The following ZMAT4 variants were observed in gnomAD, a reference collection of about 807,000 sequenced individuals.
ZMAT4 encodes zinc finger matrin-type 4.
In ZMAT4, 17 loss-of-function variants were observed where a neutral mutation model predicts 28.7. The observed-to-expected ratio is 0.59, with a 90% CI of 0.41 to 0.89. ZMAT4 has a LOEUF of 0.89. Among genes scored for constraint, ZMAT4 ranks in the 40% least tolerant of loss-of-function variants. The pLI is 0.00. For synonymous variants in ZMAT4, 117 were observed against 109.2 expected (o/e 1.07, Z -0.44); for missense variants, 240 against 283.8 (o/e 0.85, Z 1.11).
chr8:40,588,449 T>C (rs1216113854), intron 5 of ZMAT4, among the ~76,000 whole-genome samples: 5 of 152,052 alleles, frequency 3.3e-5, no homozygotes, highest in Admixed American at 3.3e-4. Flanking sequence ...ATCTAATTTT[T>C]TTAAAGGGCA....
intron 3 of ZMAT4, among the ~76,000 whole-genome samples, chr8:40,741,167 G>T (rs564945144): frequency 6.6e-6 from 1 of 152,192 alleles, no homozygotes; most frequent in South Asian, 2.1e-4. Context: ...GACATTGGCC[G>T]GGCATGGTGG....
At chr8:40,818,210 A>G (rs2150602817) in intron 2 of ZMAT4, among the ~76,000 whole-genome samples, 1 of 152,354 alleles carries the variant, frequency 6.6e-6, no homozygotes, top group East Asian at 1.9e-4. Flanking sequence ...TATTTTGACT[A>G]ACAATGACTG....
At chr8:40,786,833 T>C in intron 2 of ZMAT4, 1 of 880,356 alleles carries the variant, frequency 1.1e-6, no homozygotes, top group Non-Finnish European at 1.6e-6. Flanking sequence ...AAATTGGGAT[T>C]GCATTTCACT....
At chr8:40,648,208 C>T (rs546907525) in intron 5 of ZMAT4, among the ~76,000 whole-genome samples, 3 of 152,026 alleles carry the variant, frequency 2.0e-5, no homozygotes, top group African/African-American at 4.8e-5. Flanking sequence ...ACTAGAATAA[C>T]CAATACAGAG....
chr8:40,783,902 T>C (rs1256666724), intron 2 of ZMAT4, among the ~76,000 whole-genome samples: 2 of 152,070 alleles, frequency 1.3e-5, no homozygotes, highest in African/African-American at 2.4e-5. Flanking sequence ...TCCCAGCTAC[T>C]TGGGAGGTTG....
At chr8:40,568,338 G>A (rs942868006) in intron 6 of ZMAT4, among the ~76,000 whole-genome samples, 2 of 152,078 alleles carry the variant, frequency 1.3e-5, no homozygotes, top group South Asian at 2.1e-4. Context: ...TGTATAAAAC[G>A]AGGCAGAAGA....
intron 1 of ZMAT4, among the ~76,000 whole-genome samples, chr8:40,852,451 T>A (rs1009064085): frequency 6.6e-6 from 1 of 152,222 alleles, no homozygotes; most frequent in African/African-American, 2.4e-5. Flanking sequence ...CTCATCTGCA[T>A]CTCTATTCAA....
chr8:40,801,487 C>G (rs9918901), intron 2 of ZMAT4, among the ~76,000 whole-genome samples: 107,822 of 150,348 alleles, frequency 0.72, 38,895 homozygotes, highest in Middle Eastern at 0.79. Flanking sequence ...GGCCAACATG[C>G]TGAAACCCTG....
intron 5 of ZMAT4, among the ~76,000 whole-genome samples, chr8:40,584,101 G>C: frequency 6.6e-6 from 1 of 152,064 alleles, no homozygotes; most frequent in East Asian, 1.9e-4. Flanking sequence ...TTGACATTTC[G>C]CTTGGCTTAG....
intron 1 of ZMAT4, among the ~76,000 whole-genome samples, chr8:40,832,015 A>C (rs1816298670): frequency 6.6e-6 from 1 of 152,192 alleles, no homozygotes; most frequent in African/African-American, 2.4e-5. Context: ...TAAGTAACTC[A>C]CCCAGAGGTC....
rs188626901 is a variant in ZMAT4 at position 40,736,142 on chromosome 8, C to T, written c.192+31499G>A. ...TGGGGATCAGGAAGACTCTGACCAA[C>T]CTCACCTTATCTCCTAGGAATCTTT... is the stretch of plus-strand genomic sequence containing the variant. On this transcript the variant is annotated intron_variant, in intron 3 of 6. Coordinates refer to ENST00000297737, the MANE Select transcript of ZMAT4 (RefSeq NM_024645.3). 2.1e-3 allele frequency among the ~76,000 whole-genome samples: 327 copies of T among 152,254 alleles called. 2 individuals are homozygous for T. Among genetic ancestry groups the T allele is most frequent in the African/African-American group, 7.7e-3 (318 of 41,542 alleles).
At chr8:40,585,179 C>A (rs986145142) in intron 5 of ZMAT4, among the ~76,000 whole-genome samples, 3 of 152,012 alleles carry the variant, frequency 2.0e-5, no homozygotes, top group African/African-American at 7.3e-5. Context: ...TACTGACTCA[C>A]CTGATTGTTC....
At chr8:40,615,293 C>A (rs1264746023) in intron 5 of ZMAT4, among the ~76,000 whole-genome samples, 3 of 152,332 alleles carry the variant, frequency 2.0e-5, no homozygotes, top group South Asian at 2.1e-4. Context: ...GCTGAGAGAT[C>A]CACTGTTAGT....
At chr8:40,753,326 T>C (rs1812535990) in intron 3 of ZMAT4, among the ~76,000 whole-genome samples, 1 of 151,828 alleles carries the variant, frequency 6.6e-6, no homozygotes, top group African/African-American at 2.4e-5. Context: ...TACCTGGAAT[T>C]ATCACACCAC....
intron 2 of ZMAT4, 49 bp downstream of exon 2, chr8:40,825,526 G>T (rs969337365): frequency 2.0e-6 from 3 of 1,481,812 alleles, no homozygotes; most frequent in African/African-American, 2.8e-5. Context: ...CAATGACCCG[G>T]GCTGCTCCCT....
chr8:40,696,895 C>T (rs535292892), intron 4 of ZMAT4: 23 of 173,640 alleles, frequency 1.3e-4, no homozygotes, highest in Non-Finnish European at 2.2e-4. Context: ...ACACAGCATG[C>T]ATGATCCACA....
chr8:40,834,898 T>G (rs898234964), intron 1 of ZMAT4, among the ~76,000 whole-genome samples: 1 of 152,184 alleles, frequency 6.6e-6, no homozygotes, highest in Non-Finnish European at 1.5e-5. Context: ...TCTATCTGGC[T>G]TTCCAAAGGT....
intron 1 of ZMAT4, among the ~76,000 whole-genome samples, chr8:40,842,560 C>T (rs1816739625): frequency 2.0e-5 from 3 of 152,124 alleles, no homozygotes; most frequent in Non-Finnish European, 4.4e-5. Context: ...CAGTGCCTGC[C>T]TGCACTCTTC....
At chr8:40,869,087 C>G (rs151264839) in intron 1 of ZMAT4, among the ~76,000 whole-genome samples, 1 of 152,322 alleles carries the variant, frequency 6.6e-6, no homozygotes, top group East Asian at 1.9e-4. Context: ...CCTCACATTT[C>G]CCATGTCTGG....
Sources: allele counts gnomAD v4.1 joint callset (sites outside exome capture counted in the v4.1 genomes callset), GRCh38; gene constraint gnomAD v4.1.1; transcripts MANE v1.5; gene names NCBI Gene and HGNC (gene_info 2026-07-23, HGNC 2026-07-21).